The following XIRP2 variants were observed in gnomAD, a reference collection of about 807,000 sequenced individuals.
The protein encoded by XIRP2 is xin actin binding repeat containing 2.
Under a neutral mutation model 277.0 loss-of-function variants are expected in XIRP2, and 236 were observed. The observed-to-expected ratio is 0.85, with a 90% CI of 0.77 to 0.95. The LOEUF is 0.95. Ranked by LOEUF, XIRP2 falls within the 40% of genes least tolerant of loss-of-function variation. The pLI, the probability that XIRP2 is intolerant of heterozygous loss-of-function variation, is 0.00. For synonymous variants in XIRP2, 1,490 were observed against 1,416.5 expected (o/e 1.05, Z -1.17); for missense variants, 4,640 against 4,157.5 (o/e 1.12, Z -3.19).
chr2:167,098,878 C>T (rs1169345428), intron 2 of XIRP2, among the ~76,000 whole-genome samples: 2 of 152,150 alleles, frequency 1.3e-5, no homozygotes, highest in Non-Finnish European at 1.5e-5. Flanking sequence ...GTGGAGGCTG[C>T]AGAATAGCAA....
At chr2:167,023,355 G>C (rs1688044171) in intron 2 of XIRP2, among the ~76,000 whole-genome samples, 1 of 151,802 alleles carries the variant, frequency 6.6e-6, no homozygotes, top group African/African-American at 2.4e-5. Flanking sequence ...CTGGATATTA[G>C]CCCTTTGTCA....
At chr2:167,090,892 C>T (rs1435559327) in intron 2 of XIRP2, among the ~76,000 whole-genome samples, 1 of 152,086 alleles carries the variant, frequency 6.6e-6, no homozygotes, top group Non-Finnish European at 1.5e-5. Context: ...TAGGCCCCAC[C>T]TGACAACACC....
At chr2:167,075,654 C>A (rs1227708458) in intron 2 of XIRP2, among the ~76,000 whole-genome samples, 3 of 151,930 alleles carry the variant, frequency 2.0e-5, no homozygotes, top group African/African-American at 7.3e-5. Context: ...TTTAGTAATA[C>A]TTGTCTTTTT....
chr2:167,143,759 A>G (rs1691792356), intron 3 of XIRP2, among the ~76,000 whole-genome samples: 1 of 152,138 alleles, frequency 6.6e-6, no homozygotes, highest in Non-Finnish European at 1.5e-5. Flanking sequence ...TAAAGGAGTG[A>G]AATATTTGGT....
intron 3 of XIRP2, among the ~76,000 whole-genome samples, chr2:167,186,167 C>T (rs1173372333): frequency 1.3e-5 from 2 of 152,132 alleles, no homozygotes; most frequent in African/African-American, 4.8e-5. Context: ...TAATAGCTAT[C>T]ATACTCAGAA....
chr2:167,162,125 A>G (rs956949206), intron 3 of XIRP2, among the ~76,000 whole-genome samples: 20 of 152,156 alleles, frequency 1.3e-4, no homozygotes, highest in Admixed American at 1.0e-3. Context: ...TCCCTGTATC[A>G]TTATCAGCAT....
intron 2 of XIRP2, among the ~76,000 whole-genome samples, chr2:166,984,366 AC>A (rs1686948800): frequency 6.6e-6 from 1 of 152,188 alleles, no homozygotes; most frequent in African/African-American, 2.4e-5. Flanking sequence ...TTCAATCAGT[AC>A]TAGTTTTGGA....
At position 167,246,893 on chromosome 2, in the gene XIRP2, A is replaced by G. The variant is rs200503594; in HGVS notation, c.5501A>G (p.Glu1834Gly). Reference sequence around the variant, plus strand: ...AGTACATTTGGTAAGATACCCAAAGAAGAGATTATAAAAGGTGATTTGACA... The same window carrying G: ...AGTACATTTGGTAAGATACCCAAAGGAGAGATTATAAAAGGTGATTTGACA... ...PQSTFGKIPK[E>G]EIIKGDLTST... The change falls in exon 9 of 11, where the codon GAA becomes GGA. Residue 1834 changes from glutamate (E) to glycine (G), a missense_variant. Physicochemically the swap from Glu to Gly is moderately conservative, Grantham distance 98. Coordinates refer to ENST00000409195, the MANE Select transcript of XIRP2 (RefSeq NM_152381.6). 7.4e-6 allele frequency: 12 copies of G among 1,613,416 alleles called. No individual in the cohort carries two copies. The highest frequency in any genetic ancestry group is 1.3e-5 in the African/African-American group (1 of 74,868).
At chr2:167,180,706 C>T (rs1052532157) in intron 3 of XIRP2, among the ~76,000 whole-genome samples, 73 of 152,096 alleles carry the variant, frequency 4.8e-4, no homozygotes, top group African/African-American at 1.6e-3. Context: ...AGTTCTGTGC[C>T]TCATTCAGTC....
chr2:167,096,364 A>G (rs1394665849), intron 2 of XIRP2, among the ~76,000 whole-genome samples: 5 of 152,056 alleles, frequency 3.3e-5, no homozygotes, highest in African/African-American at 1.2e-4. Context: ...CTCTGATGGT[A>G]GTTTGTATTT....
Position 166,996,305 on chromosome 2 carries a change from A to G in XIRP2, c.408+92415A>G, listed in dbSNP as rs80280546. Among the ~76,000 whole-genome samples the G allele has an allele frequency of 6.3e-3, 964 of 152,298 alleles. 15 individuals are homozygous for G. Among genetic ancestry groups the G allele is most frequent in the African/African-American group, 0.022 (913 of 41,556 alleles). On this transcript the variant is annotated intron_variant, in intron 2 of 10. Transcript: ENST00000409195. ...CTTGCAAACTTATCTGTAAGTTGGCAAAGTTATTTGCCAACATAAGTAAAA... is the reference window on the plus strand; with the variant it reads ...CTTGCAAACTTATCTGTAAGTTGGCGAAGTTATTTGCCAACATAAGTAAAA...
intron 2 of XIRP2, among the ~76,000 whole-genome samples, chr2:166,956,248 A>G (rs1686158749): frequency 6.6e-6 from 1 of 151,846 alleles, no homozygotes; most frequent in Non-Finnish European, 1.5e-5. Context: ...ATTGATTATG[A>G]TGAGCATTTT....
At chr2:167,152,779 T>C (rs1007672180) in intron 3 of XIRP2, among the ~76,000 whole-genome samples, 3 of 152,100 alleles carry the variant, frequency 2.0e-5, no homozygotes, top group African/African-American at 4.8e-5. Flanking sequence ...AGAATTGTTC[T>C]CTACTTTTAA....
intron 1 of XIRP2, among the ~76,000 whole-genome samples, 198 bp from the exon 2 acceptor site, chr2:166,903,267 T>C (rs932881525): frequency 6.6e-6 from 1 of 152,114 alleles, no homozygotes; most frequent in Admixed American, 6.6e-5. Context: ...CTCTCCATAA[T>C]CTGTGTAATT....
intron 2 of XIRP2, among the ~76,000 whole-genome samples, chr2:167,117,864 T>C (rs1690938581): frequency 2.0e-5 from 3 of 152,362 alleles, no homozygotes; most frequent in Admixed American, 1.3e-4. Context: ...TTTGTGTTAC[T>C]CTTTATTAAG....
rs1406939656 is a variant in XIRP2, at chr2:167,243,965, A to T, written c.2573A>T (p.Asp858Val). ...QPLDILKEVP[D>V]ADSLQREEII... ...TTAGACATTCTAAAAGAAGTTCCTG[A>T]TGCAGATTCTCTACAACGTGAGGAG... The change falls in exon 9 of 11, where the codon GAT becomes GTT. Residue 858 changes from aspartate (D) to valine (V), a missense_variant. Transcript: ENST00000409195. 2.5e-6 allele frequency: 4 copies of T among 1,614,058 alleles called. No individual in the cohort carries two copies. The highest frequency in any genetic ancestry group is 3.4e-6 in the Non-Finnish European group (4 of 1,179,954).
rs151294213 is a variant in XIRP2 at position 167,259,058 on chromosome 2, T to C, written c.*1241T>C. ...GAGCAAAAATTTACACTTTTTCTTT[T>C]CTAACACCGTGAAAATCACTGCATT... On this transcript the variant is annotated 3_prime_UTR_variant, in exon 11 of 11. Coordinates refer to ENST00000409195, the MANE Select transcript of XIRP2 (RefSeq NM_152381.6). 8,502 of 1,611,374 alleles carry C rather than the reference T, an allele frequency of 5.3e-3. 29 individuals are homozygous for C. The highest frequency in any genetic ancestry group is 6.3e-3 in the Non-Finnish European group (7,443 of 1,178,210).
chr2:167,170,401 T>G (rs1390782454), intron 3 of XIRP2, among the ~76,000 whole-genome samples: 1 of 152,174 alleles, frequency 6.6e-6, no homozygotes, highest in East Asian at 1.9e-4. Context: ...TATTACATCT[T>G]TGATAGAATT....
intron 2 of XIRP2, among the ~76,000 whole-genome samples, chr2:167,109,857 A>G (rs1690706201): frequency 6.6e-6 from 1 of 152,054 alleles, no homozygotes; most frequent in South Asian, 2.1e-4. Context: ...CTTTTTAGTA[A>G]TAGCCATTCT....
Sources: allele counts gnomAD v4.1 joint callset (sites outside exome capture counted in the v4.1 genomes callset), GRCh38; gene constraint gnomAD v4.1.1; transcripts MANE v1.5; gene names NCBI Gene and HGNC (gene_info 2026-07-23, HGNC 2026-07-21).